RHEX: variants seen among roughly 807,000 people sequenced by gnomAD.
RHEX encodes the protein regulator of hemoglobinization and erythroid cell expansion, also known as regulator of hemoglobinization and erythroid cell expansion protein.
In RHEX, 18 loss-of-function variants were observed where a neutral mutation model predicts 20.1. The observed-to-expected ratio is 0.90, with a 90% CI of 0.62 to 1.33. The LOEUF (loss-of-function observed/expected upper bound fraction) is 1.33, where lower values mean the gene tolerates loss of function less well. RHEX is among the 40% of genes most tolerant of loss of function. The pLI is 0.00. For missense variants in RHEX, 192 were observed against 214.3 expected (o/e 0.90, Z 0.65); for synonymous variants, 87 against 77.1 (o/e 1.13, Z -0.67).
chr1:206,101,031 C>G, intron 4 of RHEX, 105 bp from the exon 5 acceptor site: 1 of 855,120 alleles, frequency 1.2e-6, no homozygotes, highest in Admixed American at 2.5e-5. Flanking sequence ...GGCTCTGCCT[C>G]TGTCTTTATC....
At chr1:206,071,134 T>C (rs1662520755) in intron 1 of RHEX, among the ~76,000 whole-genome samples, 1 of 152,146 alleles carries the variant, frequency 6.6e-6, no homozygotes, top group African/African-American at 2.4e-5. Context: ...CAGTGCAGCC[T>C]TCAGTCTGTG....
intron 1 of RHEX, among the ~76,000 whole-genome samples, chr1:206,055,809 T>A: frequency 6.6e-6 from 1 of 152,274 alleles, no homozygotes; most frequent in Non-Finnish European, 1.5e-5. Flanking sequence ...AAGTGGCAGT[T>A]GGAGTTTTAA....
chr1:206,095,347 T>A (rs1553287533), intron 1 of RHEX, among the ~76,000 whole-genome samples: 1 of 151,966 alleles, frequency 6.6e-6, no homozygotes, highest in African/African-American at 2.4e-5. Flanking sequence ...GGGAGGTTTT[T>A]CCTGACCAAA....
intron 1 of RHEX, among the ~76,000 whole-genome samples, chr1:206,058,087 A>G (rs1662231438): frequency 6.6e-6 from 1 of 152,282 alleles, no homozygotes; most frequent in African/African-American, 2.4e-5. Flanking sequence ...AGTTGAGGAT[A>G]TAGTTAAAGA....
At chr1:206,065,367 A>T (rs1348163686) in intron 1 of RHEX, among the ~76,000 whole-genome samples, 2 of 152,192 alleles carry the variant, frequency 1.3e-5, no homozygotes, top group African/African-American at 4.8e-5. Flanking sequence ...AGGAATGCCC[A>T]GTGGTTAAAC....
At position 206,086,956 on chromosome 1, in the gene RHEX, G is replaced by A. The variant is rs541238368; in HGVS notation, c.-96-10777G>A. 2.6e-4 allele frequency among the ~76,000 whole-genome samples: 40 copies of A among 152,202 alleles called. No individual in the cohort carries two copies. The South Asian group carries it at 7.3e-3, about 28-fold the overall frequency. On this transcript the variant is annotated intron_variant, in intron 1 of 5. Transcript: ENST00000331555. ...CAGGAGGTCGAGGCTGCAGTGAGCC[G>A]TGCTTGCACCACTGGACACTCCAGC...
intron 1 of RHEX, among the ~76,000 whole-genome samples, chr1:206,094,857 T>G (rs1663034670): frequency 6.6e-6 from 1 of 152,174 alleles, no homozygotes; most frequent in Admixed American, 6.5e-5. Context: ...ATGTGGAAGA[T>G]GGTGTAGGCA....
chr1:206,099,030 C>CT (rs1663132567), intron 3 of RHEX, among the ~76,000 whole-genome samples: 1 of 152,174 alleles, frequency 6.6e-6, no homozygotes, highest in Non-Finnish European at 1.5e-5. Flanking sequence ...GGCGTGAACT[C>CT]TACCTGCAAA....
At chr1:206,095,765 G>A (rs1161105644) in intron 1 of RHEX, among the ~76,000 whole-genome samples, 18 of 152,034 alleles carry the variant, frequency 1.2e-4, no homozygotes, top group Non-Finnish European at 1.3e-4. Context: ...GCAGTGAGCC[G>A]AGATCGTGTC....
chr1:206,057,171 A>G (rs1365897959), intron 1 of RHEX, among the ~76,000 whole-genome samples: 2 of 152,362 alleles, frequency 1.3e-5, no homozygotes, highest in South Asian at 2.1e-4. Context: ...TCCAGGAAAA[A>G]CTAAAAATTT....
chr1:206,093,589 A>T (rs1209445046), intron 1 of RHEX, among the ~76,000 whole-genome samples: 1 of 152,142 alleles, frequency 6.6e-6, no homozygotes, highest in Non-Finnish European at 1.5e-5. Flanking sequence ...GATTTTTCAT[A>T]GAAATCATCT....
intron 4 of RHEX, among the ~76,000 whole-genome samples, chr1:206,100,537 A>G (rs781991032): frequency 1.3e-5 from 2 of 152,220 alleles, no homozygotes; most frequent in Non-Finnish European, 2.9e-5. Flanking sequence ...ATGTTTCAAC[A>G]GAACTGGAGA....
At chr1:206,101,324 C>A in intron 5 of RHEX, 127 bp downstream of exon 5, 1 of 739,772 alleles carries the variant, frequency 1.4e-6, no homozygotes. Flanking sequence ...CTTGAGTCAT[C>A]ACAGCATCCT....
intron 1 of RHEX, among the ~76,000 whole-genome samples, chr1:206,064,648 G>GA (rs1290198593): frequency 6.7e-6 from 1 of 149,490 alleles, no homozygotes; most frequent in Non-Finnish European, 1.5e-5. Context: ...GTCCCGGGGG[G>GA]AGGTGGGGGG....
At chr1:206,077,495 G>C (rs1357894006) in intron 1 of RHEX, among the ~76,000 whole-genome samples, 3 of 152,178 alleles carry the variant, frequency 2.0e-5, no homozygotes, top group African/African-American at 7.2e-5. Flanking sequence ...GGTGAGGCTG[G>C]GTGTGGTGGC....
At position 206,101,896 on chromosome 1, in the gene RHEX, T is replaced by G. The variant is rs782005226; in HGVS notation, c.463T>G (p.Tyr155Asp). 9 of 1,602,584 alleles carry G rather than the reference T, an allele frequency of 5.6e-6. No individual in the cohort carries two copies. Among genetic ancestry groups the G allele is most frequent in the Non-Finnish European group, 7.6e-6 (9 of 1,179,846 alleles). The change falls in exon 6 of 6, where the codon TAT becomes GAT. Residue 155 changes from tyrosine (Y) to aspartate (D), a missense_variant. Transcript: ENST00000331555. ...AGAAAGACACAAGCCCAGTTTCTGG[T>G]ATTTTGTCAACCCTGCTCTGTCTGA... ...NPERHKPSFWYFVNPALSEPA... is the reference protein window; with the variant it reads ...NPERHKPSFWDFVNPALSEPA...
intron 1 of RHEX, among the ~76,000 whole-genome samples, chr1:206,069,353 A>T (rs1662486737): frequency 6.6e-6 from 1 of 152,228 alleles, no homozygotes; most frequent in Admixed American, 6.5e-5. Flanking sequence ...CTACCGCAGG[A>T]TCTTACTGGG....
chr1:206,055,331 G>C (rs966034679), intron 1 of RHEX, among the ~76,000 whole-genome samples: 1 of 152,282 alleles, frequency 6.6e-6, no homozygotes, highest in African/African-American at 2.4e-5. Flanking sequence ...TTATCAGTCA[G>C]TCAGCCCTTG....
chr1:206,099,867 C>T, intron 4 of RHEX, 69 bp downstream of exon 4: 7 of 1,493,458 alleles, frequency 4.7e-6, no homozygotes, highest in Non-Finnish European at 6.5e-6. Flanking sequence ...CCCAGGACCT[C>T]CCTGCAGCAA....
Sources: allele counts gnomAD v4.1 joint callset (sites outside exome capture counted in the v4.1 genomes callset), GRCh38; gene constraint gnomAD v4.1.1; transcripts MANE v1.5; gene names NCBI Gene and HGNC (gene_info 2026-07-23, HGNC 2026-07-21).